Variants in ATG7 observed in about 807,000 individuals in gnomAD.
ATG7 encodes autophagy related 7, also known as ubiquitin-like modifier-activating enzyme ATG7.
Under a neutral mutation model 82.4 loss-of-function variants are expected in ATG7, and 70 were observed. The ratio of observed to expected loss-of-function variants is 0.85; its 90% confidence interval spans 0.70 to 1.04. The LOEUF (loss-of-function observed/expected upper bound fraction) is 1.04. Ranked by LOEUF, ATG7 falls within the 50% of genes least tolerant of loss-of-function variation. ATG7 has a pLI of 0.00. For synonymous variants in ATG7, 287 were observed against 313.0 expected, an observed-to-expected ratio of 0.92 and a Z score of 0.88; for missense variants, 792 against 864.3, an observed-to-expected ratio of 0.92 and a Z score of 1.05.
At chr3:11,293,061 C>A (rs555097667) in intron 3 of ATG7, among the ~76,000 whole-genome samples, 16 of 152,196 alleles carry the variant, frequency 1.1e-4, no homozygotes, top group African/African-American at 3.6e-4. Flanking sequence ...CTAGGAAATA[C>A]AGAGAAAGGG....
intron 5 of ATG7, among the ~76,000 whole-genome samples, chr3:11,305,838 T>A (rs764850552): frequency 6.6e-6 from 1 of 152,212 alleles, no homozygotes; most frequent in Non-Finnish European, 1.5e-5. Flanking sequence ...TTCTACTCTT[T>A]CAGCCCCATA....
At chr3:11,484,260 G>C (rs1316292014) in intron 20 of ATG7, among the ~76,000 whole-genome samples, 2 of 152,166 alleles carry the variant, frequency 1.3e-5, no homozygotes, top group African/African-American at 4.8e-5. Flanking sequence ...CAGGTATGGT[G>C]GCGTGCACCT....
chr3:11,544,065 C>T (rs983489097), intron 20 of ATG7, among the ~76,000 whole-genome samples: 3 of 152,252 alleles, frequency 2.0e-5, no homozygotes, highest in Non-Finnish European at 4.4e-5. Flanking sequence ...CTCCTTCAGG[C>T]TGCTCATCTG....
Position 11,557,413 on chromosome 3 carries a change from A to AACCCCACCTCCCCTGGGAGCTTGT in ATG7, c.*2572_*2595dup, listed in dbSNP as rs1487793861. Reference sequence around the variant, plus strand: ...GCATGTAGGGAAGTTGGAAGACACAAACCCCACCTCCCCTGGGAGCTTGTA... The same window carrying AACCCCACCTCCCCTGGGAGCTTGT: ...GCATGTAGGGAAGTTGGAAGACACAAACCCCACCTCCCCTGGGAGCTTGTACCCCACCTCCCCTGGGAGCTTGTA... On this transcript the variant is annotated 3_prime_UTR_variant, in exon 21 of 21. Coordinates refer to ENST00000693202, the MANE Select transcript of ATG7 (RefSeq NM_001349232.2). The AACCCCACCTCCCCTGGGAGCTTGT allele has an allele frequency of 1.3e-5, 2 of 152,730 alleles. No homozygotes were observed. Among genetic ancestry groups the AACCCCACCTCCCCTGGGAGCTTGT allele is most frequent in the Non-Finnish European group, 1.5e-5 (1 of 68,042 alleles). 9.5% of individuals were successfully genotyped at this position (152,730 alleles called of 1,614,324 possible). A position where few individuals can be genotyped will look rare whatever the true frequency, so the allele number is the denominator to read the frequency against.
At chr3:11,436,382 C>A (rs919165909) in intron 20 of ATG7, among the ~76,000 whole-genome samples, 2 of 152,084 alleles carry the variant, frequency 1.3e-5, no homozygotes, top group Non-Finnish European at 2.9e-5. Flanking sequence ...GTGTCAAATT[C>A]TGCAGCCACT....
intron 20 of ATG7, among the ~76,000 whole-genome samples, chr3:11,474,165 T>A (rs1297307204): frequency 6.6e-6 from 1 of 152,246 alleles, no homozygotes; most frequent in African/African-American, 2.4e-5. Flanking sequence ...CAGTGTCTTC[T>A]GAATGCTCAG....
Position 11,483,861 on chromosome 3 carries a change from C to T in ATG7, c.2079+56935C>T, listed in dbSNP as rs146950188. ...GGCACAATGTTTATTCCTTGGGCTT[C>T]GTAGGCTACATTGTGTTCCCAGCAT... On this transcript the variant is annotated intron_variant, in intron 20 of 20. Coordinates refer to ENST00000693202, the MANE Select transcript of ATG7 (RefSeq NM_001349232.2). Among the ~76,000 whole-genome samples, 371 of 152,174 alleles carry T rather than the reference C, an allele frequency of 2.4e-3. 3 individuals are homozygous for T. Among genetic ancestry groups the T allele is most frequent in the Non-Finnish European group, 3.3e-3 (225 of 68,030 alleles).
intron 19 of ATG7, among the ~76,000 whole-genome samples, chr3:11,402,525 T>G (rs1051963261): frequency 6.6e-6 from 1 of 152,224 alleles, no homozygotes; most frequent in Admixed American, 6.5e-5. Context: ...TAAGAATGAC[T>G]GCACCCAACA....
chr3:11,545,164 G>T (rs1373833213), intron 20 of ATG7, among the ~76,000 whole-genome samples: 1 of 152,154 alleles, frequency 6.6e-6, no homozygotes, highest in Non-Finnish European at 1.5e-5. Context: ...GGGGTGGGGA[G>T]CTTGGAGGGG....
rs112392669 is a variant in ATG7, at chr3:11,374,720, A to G, written c.1876-5252A>G. On this transcript the variant is annotated intron_variant, in intron 18 of 20. Transcript: ENST00000693202. ...GGAGATTGAGACCATCCTGGTTAAC[A>G]TGGTGAAACCCTGTCTCGACTAAAA... Among the ~76,000 whole-genome samples the G allele has an allele frequency of 5.8e-3, 880 of 152,172 alleles. 7 individuals carry two copies. Among genetic ancestry groups the G allele is most frequent in the African/African-American group, 0.02 (813 of 41,502 alleles).
rs574012266 is a variant in ATG7 at position 11,534,535 on chromosome 3, T to C, written c.2080-20276T>C. Among the ~76,000 whole-genome samples the C allele has an allele frequency of 7.2e-5, 11 of 152,376 alleles. No individual in the cohort carries two copies. In the South Asian group the frequency reaches 2.1e-3, roughly 29 times the overall value. ...GGCGGTCTGGAACGCATCAGGGTTCTTCCTGAATGTGCGTCCTTCATGCCG... is the reference window on the plus strand; with the variant it reads ...GGCGGTCTGGAACGCATCAGGGTTCCTCCTGAATGTGCGTCCTTCATGCCG... On this transcript the variant is annotated intron_variant, in intron 20 of 20. Coordinates refer to ENST00000693202, the MANE Select transcript of ATG7 (RefSeq NM_001349232.2).
intron 20 of ATG7, among the ~76,000 whole-genome samples, chr3:11,431,482 A>G (rs1280416471): frequency 4.6e-5 from 7 of 151,904 alleles, no homozygotes; most frequent in African/African-American, 1.7e-4. Context: ...AACCATTACC[A>G]CTCTCTGTTT....
intron 20 of ATG7, among the ~76,000 whole-genome samples, chr3:11,511,764 C>A (rs1042733976): frequency 6.6e-6 from 1 of 152,152 alleles, no homozygotes; most frequent in African/African-American, 2.4e-5. Flanking sequence ...TAAGGCCCAG[C>A]GAGAAATCGA....
chr3:11,309,348 C>A (rs537052383), intron 7 of ATG7, among the ~76,000 whole-genome samples: 1 of 152,116 alleles, frequency 6.6e-6, no homozygotes. Flanking sequence ...TTGTTGCTAA[C>A]GCCTTTGTTA....
chr3:11,443,882 T>C (rs915964559), intron 20 of ATG7, among the ~76,000 whole-genome samples: 4 of 152,188 alleles, frequency 2.6e-5, no homozygotes, highest in African/African-American at 9.7e-5. Flanking sequence ...AGAACAAGTA[T>C]GAATTAAACA....
chr3:11,308,886 A>G (rs1459833806), intron 6 of ATG7, 98 bp from the exon 7 acceptor site: 1 of 1,137,202 alleles, frequency 8.8e-7, no homozygotes, highest in Non-Finnish European at 1.3e-6. Flanking sequence ...GCCTGTAGGA[A>G]AGAAGAGCCT....
At chr3:11,433,289 TAAAAAAAAA>T (rs56859088) in intron 20 of ATG7, among the ~76,000 whole-genome samples, 227 of 83,810 alleles carry the variant, frequency 2.7e-3, no homozygotes, top group African/African-American at 8.7e-3. Flanking sequence ...GTCTCTTATT[TAAAAAAAAA>T]AAAAAAAAAA....
rs529882997 is a variant in ATG7 at position 11,451,085 on chromosome 3, A to G, written c.2079+24159A>G. On this transcript the variant is annotated intron_variant, in intron 20 of 20. Coordinates refer to ENST00000693202, the MANE Select transcript of ATG7 (RefSeq NM_001349232.2). ...CAAATATTTATTTGACCTTAATGAA[A>G]TGAAAAAGACATTGGATGCATACAT... is the stretch of plus-strand genomic sequence containing the variant. Among the ~76,000 whole-genome samples the G allele has an allele frequency of 2.0e-5, 3 of 152,350 alleles. No homozygotes were observed. The East Asian group carries it at 5.8e-4, about 29-fold the overall frequency.
At chr3:11,429,283 G>A (rs949585883) in intron 20 of ATG7, among the ~76,000 whole-genome samples, 4 of 151,738 alleles carry the variant, frequency 2.6e-5, no homozygotes, top group South Asian at 2.1e-4. Context: ...ATCACCTGAG[G>A]TCAGGAGTTT....
Sources: gnomAD v4.1 joint callset for allele counts (sites outside exome capture counted in the v4.1 genomes callset) on GRCh38, gnomAD v4.1.1 for gene constraint, MANE v1.5 for transcripts, NCBI Gene and HGNC (gene_info 2026-07-23, HGNC 2026-07-21) for gene names.